Variants in CCSER1 observed in about 807,000 individuals in gnomAD.
The protein encoded by CCSER1 is serine-rich coiled-coil domain-containing protein 1.
Under a neutral mutation model 82.0 loss-of-function variants are expected in CCSER1, and 41 were observed. The observed-to-expected ratio is 0.50, with a 90% CI of 0.39 to 0.65. CCSER1 has a LOEUF of 0.65. CCSER1 is among the 30% of genes least tolerant of loss of function. CCSER1 has a pLI of 0.00. For synonymous variants in CCSER1, 414 were observed against 383.9 expected (o/e 1.08, Z -0.92); for missense variants, 1,119 against 1,064.2 (o/e 1.05, Z -0.72).
intron 1 of CCSER1, among the ~76,000 whole-genome samples, chr4:90,257,676 G>A (rs961356850): frequency 3.9e-5 from 6 of 152,112 alleles, no homozygotes; most frequent in African/African-American, 1.2e-4. Flanking sequence ...TGGCTCACAC[G>A]ATTATGGAGG....
chr4:91,520,586 C>T (rs1760405122), intron 10 of CCSER1, among the ~76,000 whole-genome samples: 1 of 152,098 alleles, frequency 6.6e-6, no homozygotes, highest in Non-Finnish European at 1.5e-5. Context: ...ACTGTGTTTT[C>T]TATTTACCTG....
At chr4:91,071,388 TACAA>T (rs1431082863) in intron 9 of CCSER1, among the ~76,000 whole-genome samples, 3 of 152,136 alleles carry the variant, frequency 2.0e-5, no homozygotes, top group South Asian at 2.1e-4. Flanking sequence ...GAAGGTGAGA[TACAA>T]ACAAAGACTT....
At chr4:90,355,921 T>C (rs1218484075) in intron 3 of CCSER1, among the ~76,000 whole-genome samples, 1 of 151,934 alleles carries the variant, frequency 6.6e-6, no homozygotes, top group East Asian at 1.9e-4. Context: ...CAGAGATTAC[T>C]TTTATGTTAG....
At chr4:91,391,174 A>G (rs1751626396) in intron 10 of CCSER1, among the ~76,000 whole-genome samples, 1 of 152,150 alleles carries the variant, frequency 6.6e-6, no homozygotes, top group Admixed American at 6.5e-5. Context: ...TTTCTAATAT[A>G]TGAGTTCTGT....
At chr4:90,656,367 ATATAT>A (rs143885668) in intron 6 of CCSER1, among the ~76,000 whole-genome samples, 4,541 of 151,802 alleles carry the variant, frequency 0.03, 208 homozygotes, top group African/African-American at 0.1. Context: ...TATCTTGAAA[ATATAT>A]TATTGGATGT....
At chr4:90,516,994 C>T (rs1453118604) in intron 5 of CCSER1, among the ~76,000 whole-genome samples, 4 of 152,178 alleles carry the variant, frequency 2.6e-5, no homozygotes, top group East Asian at 1.9e-4. Flanking sequence ...TCTCAACTTA[C>T]GATGGGGTTA....
chr4:90,428,376 T>C (rs193003511), intron 4 of CCSER1, among the ~76,000 whole-genome samples: 107 of 152,004 alleles, frequency 7.0e-4, no homozygotes, highest in African/African-American at 2.5e-3. Flanking sequence ...CAAACCCCCA[T>C]GCAGCTAGAA....
intron 9 of CCSER1, among the ~76,000 whole-genome samples, chr4:90,934,092 T>A (rs969717650): frequency 1.3e-5 from 2 of 151,882 alleles, no homozygotes; most frequent in African/African-American, 4.8e-5. Context: ...AAGGTTTTCT[T>A]TATGATCATT....
At chr4:90,736,117 C>G (rs1407544864) in intron 7 of CCSER1, among the ~76,000 whole-genome samples, 1 of 152,000 alleles carries the variant, frequency 6.6e-6, no homozygotes, top group Non-Finnish European at 1.5e-5. Flanking sequence ...TGTTCTGTGG[C>G]CTAACATATG....
intron 10 of CCSER1, among the ~76,000 whole-genome samples, chr4:91,214,282 T>G (rs759674153): frequency 6.6e-6 from 1 of 152,166 alleles, no homozygotes; most frequent in South Asian, 2.1e-4. Context: ...CCCACATAAA[T>G]ATGTAGGTAT....
chr4:90,575,148 C>T (rs771600935), intron 5 of CCSER1, among the ~76,000 whole-genome samples: 7 of 152,084 alleles, frequency 4.6e-5, no homozygotes, highest in Non-Finnish European at 7.4e-5. Context: ...GTGATGTCCT[C>T]GATGACTTAG....
At chr4:90,472,246 T>G (rs1764502852) in intron 5 of CCSER1, among the ~76,000 whole-genome samples, 1 of 152,164 alleles carries the variant, frequency 6.6e-6, no homozygotes, top group Non-Finnish European at 1.5e-5. Flanking sequence ...TCAGAATATG[T>G]AAGATTGTAC....
intron 10 of CCSER1, among the ~76,000 whole-genome samples, chr4:91,463,254 G>C (rs941820809): frequency 2.0e-4 from 30 of 152,350 alleles, no homozygotes; most frequent in Non-Finnish European, 3.4e-4. Flanking sequence ...ACAGGGTCTG[G>C]AGTGGACCTC....
chr4:91,278,021 T>C (rs983267898), intron 10 of CCSER1, among the ~76,000 whole-genome samples: 1 of 152,148 alleles, frequency 6.6e-6, no homozygotes, highest in Non-Finnish European at 1.5e-5. Flanking sequence ...TTTCTAGTTT[T>C]ATTCTATGGT....
At chr4:90,893,554 G>A (rs1370395600) in intron 8 of CCSER1, among the ~76,000 whole-genome samples, 2 of 152,064 alleles carry the variant, frequency 1.3e-5, no homozygotes, top group Non-Finnish European at 2.9e-5. Context: ...TTCCGATGCT[G>A]TCTCTGGCTT....
chr4:90,137,207 G>C (rs1459808207), intron 1 of CCSER1, among the ~76,000 whole-genome samples: 1 of 152,042 alleles, frequency 6.6e-6, no homozygotes, highest in East Asian at 1.9e-4. Flanking sequence ...TTACTAAACT[G>C]GGCCATTAAA....
At chr4:91,283,192 C>G (rs1743047208) in intron 10 of CCSER1, among the ~76,000 whole-genome samples, 1 of 152,064 alleles carries the variant, frequency 6.6e-6, no homozygotes, top group African/African-American at 2.4e-5. Flanking sequence ...GTACAGCTCT[C>G]TTTTAACTGG....
chr4:91,163,655 T>C (rs1731696279), intron 10 of CCSER1, among the ~76,000 whole-genome samples: 1 of 152,344 alleles, frequency 6.6e-6, no homozygotes, highest in African/African-American at 2.4e-5. Flanking sequence ...TTAGCTCTTC[T>C]CGTTGAATTG....
intron 3 of CCSER1, among the ~76,000 whole-genome samples, chr4:90,368,138 C>A (rs1210376440): frequency 6.6e-6 from 1 of 151,780 alleles, no homozygotes; most frequent in African/African-American, 2.4e-5. Flanking sequence ...AATAAATTAA[C>A]AGATAGGAAG....
Sources: gnomAD v4.1 joint callset for allele counts (sites outside exome capture counted in the v4.1 genomes callset) on GRCh38, gnomAD v4.1.1 for gene constraint, MANE v1.5 for transcripts, NCBI Gene and HGNC (gene_info 2026-07-23, HGNC 2026-07-21) for gene names.